MMP26: variants seen among roughly 807,000 people sequenced by gnomAD.
MMP26 encodes the protein matrix metalloproteinase-26.
Under a neutral mutation model 31.0 loss-of-function variants are expected in MMP26, and 33 were observed. The ratio of observed to expected loss-of-function variants is 1.06; its 90% CI spans 0.81 to 1.42. The LOEUF is 1.42. MMP26 is among the 40% of genes most tolerant of loss of function. The pLI, the probability that MMP26 is intolerant of heterozygous loss-of-function variation, is 0.00. For synonymous variants in MMP26, 122 were observed against 114.9 expected (o/e 1.06, Z -0.40); for missense variants, 347 against 316.1 (o/e 1.10, Z -0.74).
chr11:4,908,352 T>C, intron 2 of MMP26: 1 of 1,515,710 alleles, frequency 6.6e-7, no homozygotes, highest in Admixed American at 1.7e-5. Flanking sequence ...AGTAGGCATT[T>C]ACTGTCATTT....
chr11:4,835,070 C>A (rs1448500713), intron 2 of MMP26, among the ~76,000 whole-genome samples: 1 of 151,998 alleles, frequency 6.6e-6, no homozygotes, highest in African/African-American at 2.4e-5. Context: ...TCCCACTACT[C>A]ACAGTGTGAA....
intron 2 of MMP26, among the ~76,000 whole-genome samples, chr11:4,978,392 T>C (rs1589823187): frequency 6.6e-6 from 1 of 152,214 alleles, no homozygotes. Flanking sequence ...ATTATTAAAG[T>C]AATTATTTTC....
intron 2 of MMP26, among the ~76,000 whole-genome samples, chr11:4,825,605 A>G (rs1296788333): frequency 2.0e-5 from 3 of 152,160 alleles, no homozygotes; most frequent in Non-Finnish European, 4.4e-5. Flanking sequence ...TAAAAATGGA[A>G]GACTAGATTC....
chr11:4,934,998 G>A (rs1230360893), intron 2 of MMP26, among the ~76,000 whole-genome samples: 2 of 151,728 alleles, frequency 1.3e-5, no homozygotes, highest in East Asian at 3.9e-4. Context: ...ATAGTTTGAA[G>A]TCAGGTAGTG....
At chr11:4,873,381 G>C (rs1441163867) in intron 2 of MMP26, among the ~76,000 whole-genome samples, 2 of 151,962 alleles carry the variant, frequency 1.3e-5, no homozygotes, top group Admixed American at 6.6e-5. Context: ...TCTGAGACTT[G>C]CTTTCACTAA....
intron 2 of MMP26, among the ~76,000 whole-genome samples, chr11:4,987,525 T>C (rs900437189): frequency 6.6e-6 from 1 of 152,022 alleles, no homozygotes; most frequent in Admixed American, 6.5e-5. Flanking sequence ...TTCACGCCAT[T>C]CTCCTGCCTC....
intron 2 of MMP26, among the ~76,000 whole-genome samples, chr11:4,984,143 G>C (rs1411216365): frequency 6.6e-6 from 1 of 152,122 alleles, no homozygotes; most frequent in African/African-American, 2.4e-5. Flanking sequence ...GCATTAGAGA[G>C]GTGCGTGTCA....
chr11:4,943,625 G>A (rs1461808641), intron 2 of MMP26: 2 of 371,534 alleles, frequency 5.4e-6, no homozygotes, highest in African/African-American at 2.1e-5. Context: ...ACACCCCCAG[G>A]TTGCAACAAC....
At chr11:4,914,947 T>C in intron 2 of MMP26, 1 of 1,613,986 alleles carries the variant, frequency 6.2e-7, no homozygotes, top group Non-Finnish European at 8.5e-7. Flanking sequence ...GGGCCTTGAA[T>C]CTCTCAGCCC....
intron 2 of MMP26, among the ~76,000 whole-genome samples, chr11:4,928,305 AC>A (rs1851301352): frequency 6.6e-6 from 1 of 152,160 alleles, no homozygotes; most frequent in Admixed American, 6.6e-5. Context: ...TCTAAAAACC[AC>A]AGGTTTCTTC....
At chr11:4,719,178 C>T (rs1417890905) in intron 1 of MMP26, 2 of 154,986 alleles carry the variant, frequency 1.3e-5, no homozygotes, top group Non-Finnish European at 1.5e-5. Flanking sequence ...TGATGAAGCT[C>T]TCATGCACAG....
At position 4,949,733 on chromosome 11, in the gene MMP26, TATAAA is replaced by T. The variant is rs1846352933; in HGVS notation, c.-144-38330_-144-38326del. ...AGAAATGAATAAAATAGAAATATGA[TATAAA>T]ATAATGTCATCAAAGCAGAAATTTC... On this transcript the variant is annotated intron_variant, in intron 2 of 7. Coordinates refer to ENST00000380390, the MANE Select transcript of MMP26 (RefSeq NM_021801.5). 1.6e-5 allele frequency among the ~76,000 whole-genome samples: 2 copies of T among 123,700 alleles called. 1 individual carries two copies. The highest frequency in any genetic ancestry group is 3.7e-5 in the Non-Finnish European group (2 of 54,402). 81.2% of individuals were successfully genotyped at this position (123,700 alleles called of 152,430 possible).
chr11:4,924,862 TG>T (rs1851246716), intron 2 of MMP26, among the ~76,000 whole-genome samples: 1 of 152,204 alleles, frequency 6.6e-6, no homozygotes, highest in Admixed American at 6.5e-5. Context: ...CCTGTGGGGC[TG>T]GGATTGATAT....
chr11:4,921,960 A>C (rs946559880), intron 2 of MMP26, among the ~76,000 whole-genome samples: 25 of 152,166 alleles, frequency 1.6e-4, no homozygotes, highest in African/African-American at 5.1e-4. Context: ...AGTAATGTGT[A>C]TTGTACCCAT....
chr11:4,800,262 G>A (rs912624560), intron 2 of MMP26, among the ~76,000 whole-genome samples: 2 of 152,216 alleles, frequency 1.3e-5, no homozygotes, highest in African/African-American at 4.8e-5. Flanking sequence ...AATTTAGGGG[G>A]AAGCCTGCAA....
At chr11:4,872,805 A>G (rs1454778408) in intron 2 of MMP26, among the ~76,000 whole-genome samples, 1 of 152,058 alleles carries the variant, frequency 6.6e-6, no homozygotes, top group Non-Finnish European at 1.5e-5. Context: ...CTGAAGCTAC[A>G]GAAGCTCCTG....
At chr11:4,870,324 A>C (rs1850294004) in intron 2 of MMP26, among the ~76,000 whole-genome samples, 1 of 150,186 alleles carries the variant, frequency 6.7e-6, no homozygotes, top group African/African-American at 2.5e-5. Context: ...TTTTTAAAAC[A>C]TGTTGTTTAA....
intron 2 of MMP26, among the ~76,000 whole-genome samples, chr11:4,968,864 C>T (rs562844700): frequency 6.6e-6 from 1 of 152,090 alleles, no homozygotes; most frequent in East Asian, 1.9e-4. Flanking sequence ...GTTTTCATTT[C>T]CTCATTCAGG....
intron 2 of MMP26, among the ~76,000 whole-genome samples, chr11:4,843,986 GT>G (rs1028239240): frequency 3.3e-5 from 5 of 152,020 alleles, no homozygotes; most frequent in African/African-American, 1.2e-4. Flanking sequence ...AAACAAAAAG[GT>G]TTTTTGAAAA....
Sources: allele counts gnomAD v4.1 joint callset (sites outside exome capture counted in the v4.1 genomes callset), GRCh38; gene constraint gnomAD v4.1.1; transcripts MANE v1.5; gene names NCBI Gene and HGNC (gene_info 2026-07-23, HGNC 2026-07-21).